Variants in DGKE observed in about 807,000 individuals in gnomAD.
The protein encoded by DGKE is DAG kinase epsilon.
A neutral mutation model predicts 70.0 loss-of-function variants in DGKE; 53 were observed. The ratio of observed to expected loss-of-function variants is 0.76; its 90% confidence interval spans 0.61 to 0.95. The LOEUF is 0.95. Ranked by LOEUF, DGKE falls within the 40% of genes least tolerant of loss-of-function variation. The pLI, the probability that DGKE is intolerant of heterozygous loss-of-function variation, is 0.00. For missense variants in DGKE, 655 were observed against 706.9 expected (o/e 0.93, Z 0.83); for synonymous variants, 291 against 257.0 (o/e 1.13, Z -1.27).
chr17:56,864,594 T>G lies in DGKE; in HGVS notation c.*1803T>G, dbSNP rs935499136. ...GGCAGTGAGGATGGCAGAGTTTTGT[T>G]TTTTTTTTTTTTAATGGGCCAATCA... is the stretch of plus-strand genomic sequence containing the variant. On this transcript the variant is annotated 3_prime_UTR_variant, in exon 12 of 12. Coordinates refer to ENST00000284061, the MANE Select transcript of DGKE (RefSeq NM_003647.3). The G allele has an allele frequency of 9.5e-4, 13 of 13,664 alleles. No individual in the cohort carries two copies. In the Admixed American group the frequency reaches 0.014, roughly 15 times the overall value. The allele number at this position is 13,664 out of a possible 1,614,324, so 0.8% of individuals were successfully genotyped here. A position where few individuals can be genotyped will look rare whatever the true frequency, so the allele number is the denominator to read the frequency against.
rs530047750 is a variant in DGKE, at chr17:56,858,680, CTTT to C, written c.1284+18_1284+20del. On this transcript the variant is annotated intron_variant, in intron 9 of 11. Transcript: ENST00000284061. ...AAAAAGTTGAGGTAAGCTATTAACA[CTTT>C]TTATTTTTTAAAGTTTTAGGTGGTC... 2.3e-5 allele frequency: 36 copies of C among 1,565,522 alleles called. No homozygotes were observed. The highest frequency in any genetic ancestry group is 2.9e-5 in the Non-Finnish European group (34 of 1,153,982).
At chr17:56,843,869 G>A in intron 2 of DGKE, 150 bp from the exon 3 acceptor site, 1 of 607,208 alleles carries the variant, frequency 1.6e-6, no homozygotes, top group South Asian at 2.9e-5. Flanking sequence ...CCATTTCACT[G>A]TGCAGATAGT....
chr17:56,846,800 A>C (rs528040903), intron 4 of DGKE, among the ~76,000 whole-genome samples: 5 of 152,270 alleles, frequency 3.3e-5, no homozygotes, highest in East Asian at 1.9e-4. Context: ...ATACAAATAC[A>C]TCAGTTCTCT....
At chr17:56,848,123 T>C (rs1476361529) in intron 5 of DGKE, 58 bp downstream of exon 5, 2 of 910,156 alleles carry the variant, frequency 2.2e-6, no homozygotes, top group Non-Finnish European at 2.8e-6. Flanking sequence ...ACTATACATA[T>C]ATATATATAT....
intron 8 of DGKE, among the ~76,000 whole-genome samples, chr17:56,857,027 G>A (rs1293624145): frequency 6.6e-6 from 1 of 151,740 alleles, no homozygotes; most frequent in Non-Finnish European, 1.5e-5. Context: ...GAAACCAGGA[G>A]GCAAAAGTTG....
chr17:56,845,311 C>G (rs1381280046), intron 3 of DGKE, among the ~76,000 whole-genome samples: 2 of 152,078 alleles, frequency 1.3e-5, no homozygotes, highest in East Asian at 3.8e-4. Context: ...AGAAAAAAAT[C>G]AGTGTCTATT....
intron 4 of DGKE, among the ~76,000 whole-genome samples, chr17:56,846,536 C>G (rs903084246): frequency 6.6e-6 from 1 of 151,978 alleles, no homozygotes; most frequent in African/African-American, 2.4e-5. Context: ...TTGTTCACTT[C>G]AAATGGGTGA....
rs1908520341 is a variant in DGKE, at chr17:56,866,241, A to G, written c.*3450A>G. On this transcript the variant is annotated 3_prime_UTR_variant, in exon 12 of 12. Coordinates refer to ENST00000284061, the MANE Select transcript of DGKE (RefSeq NM_003647.3). ...AGAGTACGCGCTGCAGGCTATCTGC[A>G]GCATCAGAATGCCTGGGCAGGCTGT... 6.6e-6 allele frequency: 1 copy of G among 152,168 alleles called. No individual in the cohort carries two copies. Among genetic ancestry groups the G allele is most frequent in the Non-Finnish European group, 1.5e-5 (1 of 68,042 alleles). The allele number at this position is 152,168 out of a possible 1,614,324, so 9.4% of individuals were successfully genotyped here.
At chr17:56,859,426 CTT>C (rs756657239) in intron 9 of DGKE, among the ~76,000 whole-genome samples, 6 of 146,668 alleles carry the variant, frequency 4.1e-5, no homozygotes, top group African/African-American at 9.9e-5. Context: ...ATATGGCAGT[CTT>C]TTTTTTTTTG....
intron 9 of DGKE, among the ~76,000 whole-genome samples, chr17:56,859,057 G>T (rs902691903): frequency 1.3e-5 from 2 of 151,906 alleles, no homozygotes; most frequent in African/African-American, 4.8e-5. Flanking sequence ...CTAATACAGT[G>T]CCTGACTCAA....
Position 56,844,179 on chromosome 17 carries a change from GTAAT to G in DGKE, c.624+4_624+7del. 2.7e-6 allele frequency: 4 copies of G among 1,490,066 alleles called. No homozygotes were observed. Among genetic ancestry groups the G allele is most frequent in the Non-Finnish European group, 9.0e-7 (1 of 1,114,290 alleles). The allele number at this position is 1,490,066 out of a possible 1,614,324, so 92.3% of individuals were successfully genotyped here. On this transcript the variant is annotated splice_donor_variant and splice_donor_5th_base_variant and intron_variant, in intron 3 of 11. Coordinates refer to ENST00000284061, the MANE Select transcript of DGKE (RefSeq NM_003647.3). LOFTEE classifies it high-confidence loss of function. ...AGACAAAAAAACAGATTATGAAGTG[GTAAT>G]TAGAGTTTATTTCTCTAATATGATT...
intron 3 of DGKE, among the ~76,000 whole-genome samples, chr17:56,845,031 T>C (rs1308600630): frequency 6.6e-6 from 1 of 152,186 alleles, no homozygotes; most frequent in Non-Finnish European, 1.5e-5. Context: ...TTTTTAAATG[T>C]ACAATCTCTT....
At chr17:56,861,354 A>G (rs1314538633) in intron 9 of DGKE, among the ~76,000 whole-genome samples, 2 of 152,232 alleles carry the variant, frequency 1.3e-5, no homozygotes, top group Admixed American at 6.5e-5. Context: ...AATTTTTTAC[A>G]TAAGAGTTTT....
At chr17:56,842,413 T>A (rs1408642226) in intron 2 of DGKE, among the ~76,000 whole-genome samples, 2 of 152,210 alleles carry the variant, frequency 1.3e-5, no homozygotes, top group African/African-American at 4.8e-5. Context: ...CATTATGAAA[T>A]AATTCAGTGG....
In DGKE at chr17:56,844,116, C is replaced by A. The variant is rs61751969; in HGVS notation, c.562C>A (p.Pro188Thr). ...DFGEFKNLII[P>T]PSYLTSINQM... ...TGGAGAATTCAAAAACCTAATCATT[C>A]CACCAAGTTATTTAACATCCATTAA... is the stretch of plus-strand genomic sequence containing the variant. The change falls in exon 3 of 12, where the codon CCA (proline) becomes ACA (threonine). Residue 188 changes from proline to threonine, a missense_variant. Coordinates refer to ENST00000284061, the MANE Select transcript of DGKE (RefSeq NM_003647.3). 122 of 1,585,042 alleles carry A rather than the reference C, an allele frequency of 7.7e-5. No homozygotes were observed. The highest frequency in any genetic ancestry group is 9.6e-5 in the Non-Finnish European group (112 of 1,169,178).
intron 7 of DGKE, among the ~76,000 whole-genome samples, chr17:56,853,760 CA>C (rs201780350): frequency 0.017 from 2,548 of 152,148 alleles, 44 homozygotes; most frequent in Non-Finnish European, 0.025. Context: ...GGAGGTTTCT[CA>C]AAAAACTAAA....
intron 7 of DGKE, among the ~76,000 whole-genome samples, chr17:56,849,890 T>C (rs995695571): frequency 5.3e-5 from 8 of 152,072 alleles, no homozygotes; most frequent in African/African-American, 1.9e-4. Context: ...GGCTTATTGC[T>C]CAGGAATAAA....
At chr17:56,854,239 A>G (rs1454635048) in intron 7 of DGKE, among the ~76,000 whole-genome samples, 1 of 152,182 alleles carries the variant, frequency 6.6e-6, no homozygotes, top group Non-Finnish European at 1.5e-5. Flanking sequence ...AAGTTCTGCT[A>G]TTGCACAGCT....
intron 8 of DGKE, among the ~76,000 whole-genome samples, chr17:56,857,217 A>G (rs1214948404): frequency 6.6e-6 from 1 of 152,234 alleles, no homozygotes; most frequent in Non-Finnish European, 1.5e-5. Flanking sequence ...GGAATATATG[A>G]TAGTTTATCT....
Sources: allele counts gnomAD v4.1 joint callset (sites outside exome capture counted in the v4.1 genomes callset), GRCh38; gene constraint gnomAD v4.1.1; transcripts MANE v1.5; gene names NCBI Gene and HGNC (gene_info 2026-07-23, HGNC 2026-07-21).